RGS6: variants seen among roughly 807,000 people sequenced by gnomAD.
The protein encoded by RGS6 is regulator of G protein signaling 6.
A neutral mutation model predicts 78.5 loss-of-function variants in RGS6; 30 were observed. The ratio of observed to expected loss-of-function variants is 0.38; its 90% CI spans 0.29 to 0.52. The LOEUF is 0.52. Among genes scored for constraint, RGS6 ranks in the 20% least tolerant of loss-of-function variants. The pLI, the probability that RGS6 is intolerant of heterozygous loss-of-function variation, is 0.85. For synonymous variants in RGS6, 206 were observed against 206.0 expected (o/e 1.00, Z 0.00); for missense variants, 495 against 609.7 (o/e 0.81, Z 1.98).
At chr14:72,081,011 G>A (rs777172888) in intron 2 of RGS6, among the ~76,000 whole-genome samples, 1 of 152,060 alleles carries the variant, frequency 6.6e-6, no homozygotes, top group Non-Finnish European at 1.5e-5. Flanking sequence ...GTCTTTTGTG[G>A]TTCCATATGA....
chr14:72,156,964 G>T (rs1042834324), intron 2 of RGS6, among the ~76,000 whole-genome samples: 14 of 152,166 alleles, frequency 9.2e-5, no homozygotes, highest in Non-Finnish European at 1.8e-4. Context: ...GAACCAGGAG[G>T]TCTGGATGGG....
At chr14:72,185,942 T>C (rs1034368655) in intron 2 of RGS6, among the ~76,000 whole-genome samples, 2 of 152,234 alleles carry the variant, frequency 1.3e-5, no homozygotes, top group African/African-American at 4.8e-5. Flanking sequence ...CAAAAAAAAT[T>C]ATAATTCGTA....
intron 2 of RGS6, among the ~76,000 whole-genome samples, chr14:72,317,691 T>A (rs1043880649): frequency 6.6e-6 from 1 of 152,158 alleles, no homozygotes. Context: ...TGTTATAAGC[T>A]TTGATGTAGT....
chr14:72,210,832 T>C (rs1377750872), intron 2 of RGS6, among the ~76,000 whole-genome samples: 1 of 152,204 alleles, frequency 6.6e-6, no homozygotes, highest in Non-Finnish European at 1.5e-5. Context: ...GTTTTTGTTT[T>C]TTTTTAAACC....
chr14:72,271,241 A>G (rs1458729326), intron 2 of RGS6, among the ~76,000 whole-genome samples: 2 of 152,196 alleles, frequency 1.3e-5, no homozygotes, highest in Non-Finnish European at 2.9e-5. Flanking sequence ...TCAGTTCCAC[A>G]TGGCTGGGGA....
chr14:72,365,027 C>T (rs1283755503), intron 3 of RGS6, among the ~76,000 whole-genome samples: 1 of 152,178 alleles, frequency 6.6e-6, no homozygotes, highest in Non-Finnish European at 1.5e-5. Context: ...AAAATTTTGC[C>T]AACATATCCA....
intron 2 of RGS6, among the ~76,000 whole-genome samples, chr14:72,250,219 A>G (rs2055339600): frequency 6.6e-6 from 1 of 151,420 alleles, no homozygotes; most frequent in Admixed American, 6.6e-5. Flanking sequence ...GTGCACATGT[A>G]CCCTAAAACT....
At chr14:72,214,843 GA>G (rs1265097699) in intron 2 of RGS6, among the ~76,000 whole-genome samples, 2 of 152,086 alleles carry the variant, frequency 1.3e-5, no homozygotes, top group African/African-American at 4.8e-5. Context: ...AAGGATGGAA[GA>G]AAACCATCCA....
At chr14:72,480,393 G>A (rs1480962172) in intron 12 of RGS6, among the ~76,000 whole-genome samples, 1 of 152,164 alleles carries the variant, frequency 6.6e-6, no homozygotes, top group African/African-American at 2.4e-5. Context: ...TTGCTGTCAG[G>A]GAGGGGCCCC....
chr14:71,996,468 G>A (rs1377997009), intron 2 of RGS6, among the ~76,000 whole-genome samples: 8 of 152,134 alleles, frequency 5.3e-5, no homozygotes, highest in African/African-American at 1.9e-4. Flanking sequence ...GAAACAGTGG[G>A]TGGAGCTGGG....
At chr14:72,569,707 G>C (rs1488185144), downstream of RGS6, among the ~76,000 whole-genome samples, 1 of 151,776 alleles carries the variant, frequency 6.6e-6, no homozygotes, top group Non-Finnish European at 1.5e-5. Context: ...AGGGAGGGAG[G>C]GAGGGAGGGA....
chr14:71,934,933 A>G (rs909024735), intron 1 of RGS6, among the ~76,000 whole-genome samples: 1 of 152,206 alleles, frequency 6.6e-6, no homozygotes, highest in Non-Finnish European at 1.5e-5. Flanking sequence ...TGTCACATAA[A>G]CATTTTTCAA....
intron 16 of RGS6, 122 bp from the exon 17 acceptor site, chr14:72,539,919 C>T: frequency 1.2e-6 from 1 of 808,118 alleles, no homozygotes; most frequent in Non-Finnish European, 1.9e-6. Context: ...CATTTTTCGC[C>T]CCATTTTGCT....
At chr14:72,508,205 G>C (rs1440019967) in intron 13 of RGS6, among the ~76,000 whole-genome samples, 2 of 152,160 alleles carry the variant, frequency 1.3e-5, no homozygotes, top group East Asian at 3.8e-4. Flanking sequence ...CCAGGCTCAT[G>C]ATCTATTGGT....
the RGS6 span, chr14:72,619,505 G>C: frequency 1.0e-6 from 1 of 954,600 alleles, no homozygotes; most frequent in Non-Finnish European, 1.6e-6. Flanking sequence ...CTGAAAACGT[G>C]CCAGAGTCTG....
chr14:72,473,474 A>G (rs1009418177), intron 9 of RGS6, among the ~76,000 whole-genome samples: 8 of 152,214 alleles, frequency 5.3e-5, no homozygotes, highest in Non-Finnish European at 1.0e-4. Flanking sequence ...CATTCCTGAA[A>G]ATATGGAATT....
At chr14:72,348,746 C>T (rs1034093647) in intron 2 of RGS6, among the ~76,000 whole-genome samples, 1 of 152,208 alleles carries the variant, frequency 6.6e-6, no homozygotes, top group Non-Finnish European at 1.5e-5. Context: ...TTCTAAGAGT[C>T]ACTGACACTG....
intron 8 of RGS6, among the ~76,000 whole-genome samples, chr14:72,472,160 A>G (rs936860961): frequency 4.7e-5 from 6 of 128,296 alleles, no homozygotes; most frequent in Admixed American, 8.7e-5. Flanking sequence ...GAAGTAATAC[A>G]TGCTTTTTTA....
chr14:71,921,195 A>C, the RGS6 span, among the ~76,000 whole-genome samples: 193 of 152,348 alleles, frequency 1.3e-3, 1 homozygote, highest in Middle Eastern at 6.8e-3. Context: ...TTGAAAAGAC[A>C]AAAAATAAGT....
Sources: gnomAD v4.1 joint callset for allele counts (sites outside exome capture counted in the v4.1 genomes callset) on GRCh38, gnomAD v4.1.1 for gene constraint, MANE v1.5 for transcripts, NCBI Gene and HGNC (gene_info 2026-07-23, HGNC 2026-07-21) for gene names.